Variants in CD8A observed in about 807,000 individuals in gnomAD.
CD8A encodes CD8 subunit alpha, also known as T-cell surface glycoprotein CD8 alpha chain.
Under a neutral mutation model 24.2 loss-of-function variants are expected in CD8A, and 25 were observed. That is an observed-to-expected ratio of 1.03 (90% CI 0.75 to 1.44). CD8A has a LOEUF of 1.44. Among genes scored for constraint, CD8A ranks in the 40% most tolerant of loss-of-function variants. The pLI, the probability that CD8A is intolerant of heterozygous loss-of-function variation, is 0.00. For missense variants in CD8A, 360 were observed against 319.7 expected (o/e 1.13, Z -0.96); for synonymous variants, 165 against 149.9 (o/e 1.10, Z -0.74).
rs747917576 is a variant in CD8A at position 86,790,720 on chromosome 2, GCGCCCCCCGCCCCC to G, written c.49+43_50-40del. 4.6e-6 allele frequency: 7 copies of G among 1,516,676 alleles called. No homozygotes were observed. The South Asian group carries it at 8.3e-5, about 18-fold the overall frequency. The allele number at this position is 1,516,676 out of a possible 1,614,324, so 94.0% of individuals were successfully genotyped here. A position where few individuals can be genotyped will look rare whatever the true frequency, so the allele number is the denominator to read the frequency against. ...GCAGCGAGGCTGAGCCCGCAGTCCCGCGCCCCCCGCCCCCCGCCCGCCCCATCCCCTGCCTTCCC... is the reference window on the plus strand; with the variant it reads ...GCAGCGAGGCTGAGCCCGCAGTCCCGCGCCCGCCCCATCCCCTGCCTTCCC... On this transcript the variant is annotated intron_variant, in intron 1 of 5. Transcript: ENST00000283635.
Position 86,790,488 on chromosome 2 carries a change from G to A in CD8A, c.243C>T (p.Ala81=). 1 of 1,614,136 alleles carries A rather than the reference G, an allele frequency of 6.2e-7. No homozygotes were observed. The highest frequency in any genetic ancestry group is 1.1e-5 in the South Asian group (1 of 91,084). The change falls in exon 2 of 6, where the codon GCC becomes GCT. Residue 81 remains alanine, a synonymous_variant. Transcript: ENST00000283635. ...LYLSQNKPKA[A]EGLDTQRFSG... ...AGAACCGCTGGGTGTCCAGCCCCTC[G>A]GCCGCCTTGGGCTTGTTTTGGGAGA...
In CD8A at chr2:86,785,717, G is replaced by A. The variant is rs7563771; in HGVS notation, c.*203C>T. 5.1e-3 allele frequency: 3,709 copies of A among 724,064 alleles called. 114 individuals carry two copies. The African/African-American group carries it at 0.057, about 11-fold the overall frequency. The allele number at this position is 724,064 out of a possible 1,614,324, so 44.9% of individuals were successfully genotyped here. On this transcript the variant is annotated 3_prime_UTR_variant, in exon 6 of 6. Transcript: ENST00000283635. ...TGCGCACAACAGTATTGTGACCCTT[G>A]TGGTGTACTGTAGATTTTACCTAGT...
chr2:86,788,677 A>C (rs1558734516), intron 4 of CD8A, 117 bp from the exon 5 acceptor site: 2 of 922,464 alleles, frequency 2.2e-6, no homozygotes, highest in Non-Finnish European at 3.5e-6. Context: ...TTTTACAAAA[A>C]ATCATTTCAG....
chr2:86,802,374 T>C (rs1430435862), intron 2 of CD8A, among the ~76,000 whole-genome samples: 1 of 152,116 alleles, frequency 6.6e-6, no homozygotes, highest in Non-Finnish European at 1.5e-5. Context: ...TTTGAAGACT[T>C]GCAGTTTATT....
intron 3 of CD8A, among the ~76,000 whole-genome samples, chr2:86,799,724 C>T (rs1485274414): frequency 6.6e-6 from 1 of 151,786 alleles, no homozygotes; most frequent in Non-Finnish European, 1.5e-5. Context: ...CCACTGCACT[C>T]CAGCCTGGGC....
At chr2:86,790,938 T>A, upstream of CD8A, 1 of 1,026,266 alleles carries the variant, frequency 9.7e-7, no homozygotes, top group Non-Finnish European at 1.5e-6. Flanking sequence ...GCCCGGAGCC[T>A]GATTTCGCAT....
chr2:86,803,670 G>C (rs559874563), intron 2 of CD8A, among the ~76,000 whole-genome samples: 1 of 152,318 alleles, frequency 6.6e-6, no homozygotes, highest in Admixed American at 6.5e-5. Flanking sequence ...TCCTGCCTCA[G>C]CCTCCTGAGT....
chr2:86,788,245 GTTT>G (rs10663115), intron 5 of CD8A, among the ~76,000 whole-genome samples: 12 of 127,110 alleles, frequency 9.4e-5, no homozygotes, highest in Non-Finnish European at 1.4e-4. Flanking sequence ...AATCCCTCAG[GTTT>G]TTTTTTTTTT....
At chr2:86,787,419 C>T (rs114282537) in intron 5 of CD8A, among the ~76,000 whole-genome samples, 1,602 of 152,152 alleles carry the variant, frequency 0.011, 30 homozygotes, top group African/African-American at 0.037. Flanking sequence ...TAAAATATTT[C>T]ATCTACTGAA....
At position 86,789,430 on chromosome 2, in the gene CD8A, T is replaced by C. The variant is rs1673169719; in HGVS notation, c.518A>G (p.His173Arg). The change falls in exon 4 of 6, where the codon CAC becomes CGC. Residue 173 changes from histidine to arginine, a missense_variant. Coordinates refer to ENST00000283635, the MANE Select transcript of CD8A (RefSeq NM_001768.7). The part of the protein sequence containing the change: ...ACRPAAGGAV[H>R]TRGLDFACDI... ...ACAGGCGAAGTCCAGCCCCCTCGTGTGCACTGACGACACCAAAGACGCCGA... is the reference window on the plus strand; with the variant it reads ...ACAGGCGAAGTCCAGCCCCCTCGTGCGCACTGACGACACCAAAGACGCCGA... The C allele has an allele frequency of 6.2e-7, 1 of 1,612,050 alleles. No homozygotes were observed. Among genetic ancestry groups the C allele is most frequent in the African/African-American group, 1.3e-5 (1 of 74,918 alleles).
In CD8A at chr2:86,790,899, C is replaced by T. The variant is rs36227195; in HGVS notation, c.-74G>A. On this transcript the variant is annotated 5_prime_UTR_variant, in exon 1 of 6. Coordinates refer to ENST00000283635, the MANE Select transcript of CD8A (RefSeq NM_001768.7). ...AGGCGCGCGGGAGCCGGTGGGGCGC[C>T]GAGGGGGGAAAGTTGCGCCCTTCGG... 7.1e-7 allele frequency: 1 copy of T among 1,416,488 alleles called. No individual in the cohort carries two copies. Among genetic ancestry groups the T allele is most frequent in the South Asian group, 1.2e-5 (1 of 81,636 alleles). The allele number at this position is 1,416,488 out of a possible 1,614,324, so 87.7% of individuals were successfully genotyped here.
In CD8A at chr2:86,784,933, G is replaced by T. The variant is rs1418769579; in HGVS notation, c.*987C>A. ...AGAGAGTCAGGTCTGCCTCATCCCTGTATCTGCTAGTTGAGCAGAGGCCAG... is the reference window on the plus strand; with the variant it reads ...AGAGAGTCAGGTCTGCCTCATCCCTTTATCTGCTAGTTGAGCAGAGGCCAG... On this transcript the variant is annotated 3_prime_UTR_variant, in exon 6 of 6. Transcript: ENST00000283635. 1 of 454,090 alleles carries T rather than the reference G, an allele frequency of 2.2e-6. No individual in the cohort carries two copies. Among genetic ancestry groups the T allele is most frequent in the Admixed American group, 2.3e-5 (1 of 42,574 alleles). The allele number at this position is 454,090 out of a possible 1,614,324, so 28.1% of individuals were successfully genotyped here. A position where few individuals can be genotyped will look rare whatever the true frequency, so the allele number is the denominator to read the frequency against.
At chr2:86,798,840 C>T (rs1045247159) in intron 3 of CD8A, among the ~76,000 whole-genome samples, 1 of 152,114 alleles carries the variant, frequency 6.6e-6, no homozygotes, top group African/African-American at 2.4e-5. Flanking sequence ...GTATCTTTTT[C>T]TATCCATTTA....
At chr2:86,806,811 T>C (rs1673919728) in intron 2 of CD8A, among the ~76,000 whole-genome samples, 1 of 152,180 alleles carries the variant, frequency 6.6e-6, no homozygotes, top group Non-Finnish European at 1.5e-5. Context: ...AAAAGCTTTA[T>C]GGTGGAGTGT....
chr2:86,790,190 G>A (rs542005610), intron 2 of CD8A, 138 bp downstream of exon 2: 27 of 720,546 alleles, frequency 3.7e-5, no homozygotes, highest in Non-Finnish European at 6.0e-5. Flanking sequence ...TCAGTTTGCT[G>A]TGTCTGTGAA....
upstream of CD8A, chr2:86,791,195 A>G (rs1673294582): frequency 4.2e-6 from 2 of 472,904 alleles, no homozygotes; most frequent in South Asian, 1.9e-5. Flanking sequence ...AAAGATTTCA[A>G]GAAGTGAGGG....
At position 86,790,535 on chromosome 2, in the gene CD8A, T is replaced by A. The variant is rs1673239203; in HGVS notation, c.196A>T (p.Ser66Cys). ...WLFQPRGAAA[S>C]PTFLLYLSQN... ...GAGAGGTATAGGAGGAAGGTGGGAC[T>A]GGCGGCGGCGCCGCGCGGCTGGAAG... The change falls in exon 2 of 6, where the codon AGT (serine) becomes TGT (cysteine). Residue 66 changes from serine to cysteine, a missense_variant. By Grantham distance (112) the Ser-to-Cys change is moderately radical. Coordinates refer to ENST00000283635, the MANE Select transcript of CD8A (RefSeq NM_001768.7). 1.9e-6 allele frequency: 3 copies of A among 1,613,534 alleles called. No individual in the cohort carries two copies. The African/African-American group carries it at 4.0e-5, about 22-fold the overall frequency.
intron 5 of CD8A, among the ~76,000 whole-genome samples, chr2:86,787,898 A>AGAGAGAGAGAGAGTGTGTGTGTGTGTGT (rs369993109): frequency 1.4e-5 from 2 of 144,598 alleles, no homozygotes; most frequent in African/African-American, 5.1e-5. Context: ...AGAGAGAGAG[A>AGAGAGAGAGAGAGTGTGTGTGTGTGTGT]GTGTGTGTGT....
At chr2:86,799,483 A>G (rs1475260682) in intron 3 of CD8A, among the ~76,000 whole-genome samples, 4 of 152,190 alleles carry the variant, frequency 2.6e-5, no homozygotes, top group African/African-American at 4.8e-5. Flanking sequence ...GGGGCCGGGC[A>G]CGGTGGCTCA....
Sources: allele counts gnomAD v4.1 joint callset (sites outside exome capture counted in the v4.1 genomes callset), GRCh38; gene constraint gnomAD v4.1.1; transcripts MANE v1.5; gene names NCBI Gene and HGNC (gene_info 2026-07-23, HGNC 2026-07-21).